HDAC9: variants seen among roughly 807,000 people sequenced by gnomAD.
HDAC9 encodes the protein MEF-2 interacting transcription repressor (MITR) protein.
In HDAC9, 41 loss-of-function variants were observed where a neutral mutation model predicts 139.4. The observed-to-expected ratio is 0.29, with a 90% CI of 0.23 to 0.38. The LOEUF (loss-of-function observed/expected upper bound fraction) is 0.38. Ranked by LOEUF, HDAC9 falls within the 10% of genes least tolerant of loss-of-function variation. The pLI, the probability that HDAC9 is intolerant of heterozygous loss-of-function variation, is 1.00. For synonymous variants in HDAC9, 517 were observed against 476.2 expected (o/e 1.09, Z -1.12); for missense variants, 1,147 against 1,297.0 (o/e 0.88, Z 1.78).
intron 1 of HDAC9, among the ~76,000 whole-genome samples, chr7:18,121,449 G>T (rs1784359881): frequency 6.6e-6 from 1 of 151,524 alleles, no homozygotes; most frequent in Non-Finnish European, 1.5e-5. Flanking sequence ...AATTTACTGG[G>T]TGTTCATTCT....
intron 21 of HDAC9, among the ~76,000 whole-genome samples, chr7:18,855,392 C>T (rs567539506): frequency 6.6e-6 from 1 of 152,036 alleles, no homozygotes; most frequent in African/African-American, 2.4e-5. Flanking sequence ...AAAATAGTTG[C>T]AATTGTTATT....
chr7:18,560,309 A>T (rs1480739554), intron 2 of HDAC9, among the ~76,000 whole-genome samples: 2 of 152,188 alleles, frequency 1.3e-5, no homozygotes, highest in Non-Finnish European at 2.9e-5. Flanking sequence ...GTGAGAATTA[A>T]CTGAGAAAAA....
intron 12 of HDAC9, among the ~76,000 whole-genome samples, chr7:18,690,445 A>C (rs1387041638): frequency 1.3e-5 from 2 of 152,014 alleles, no homozygotes; most frequent in African/African-American, 2.4e-5. Flanking sequence ...GTCTGTGAGC[A>C]TAACTTTTTT....
intron 1 of HDAC9, among the ~76,000 whole-genome samples, chr7:18,442,019 C>T (rs1292122342): frequency 6.6e-6 from 1 of 152,124 alleles, no homozygotes; most frequent in African/African-American, 2.4e-5. Flanking sequence ...ATCTGCCCGC[C>T]TCAGCCTCCC....
At chr7:18,611,721 G>A (rs1227173064) in intron 6 of HDAC9, among the ~76,000 whole-genome samples, 1 of 152,048 alleles carries the variant, frequency 6.6e-6, no homozygotes, top group African/African-American at 2.4e-5. Context: ...CATCTATCCT[G>A]ATAAAAGTAG....
At chr7:18,533,361 C>A (rs938993043) in intron 2 of HDAC9, among the ~76,000 whole-genome samples, 1 of 152,056 alleles carries the variant, frequency 6.6e-6, no homozygotes, top group Admixed American at 6.5e-5. Flanking sequence ...TTCTTGGATT[C>A]TTGTAGCTTC....
chr7:18,991,507 G>C (rs536005135), intron 25 of HDAC9, among the ~76,000 whole-genome samples: 1 of 152,200 alleles, frequency 6.6e-6, no homozygotes, highest in Admixed American at 6.5e-5. Flanking sequence ...TGTGGTGGCA[G>C]GCACCTGTAG....
chr7:18,328,774 T>C (rs1226384825), intron 1 of HDAC9, among the ~76,000 whole-genome samples: 1 of 151,902 alleles, frequency 6.6e-6, no homozygotes, highest in Non-Finnish European at 1.5e-5. Context: ...TTATTATTCT[T>C]GTAGTGTCCT....
intron 2 of HDAC9, among the ~76,000 whole-genome samples, chr7:18,525,444 A>G (rs1238629370): frequency 6.6e-6 from 1 of 152,152 alleles, no homozygotes; most frequent in African/African-American, 2.4e-5. Flanking sequence ...CTGTGTGAGT[A>G]TTCTTAAAAT....
intron 12 of HDAC9, among the ~76,000 whole-genome samples, chr7:18,722,422 T>G (rs149949134): frequency 1.4e-3 from 208 of 152,306 alleles, no homozygotes; most frequent in African/African-American, 4.9e-3. Flanking sequence ...GATTCTGAAC[T>G]GTTTGACATT....
intron 1 of HDAC9, among the ~76,000 whole-genome samples, chr7:18,162,060 C>G (rs1787662951): frequency 6.6e-6 from 1 of 152,106 alleles, no homozygotes. Context: ...GCTAAATTTG[C>G]TCTTTTTTAG....
At chr7:18,938,372 G>T (rs1185273837) in intron 23 of HDAC9, among the ~76,000 whole-genome samples, 2 of 152,082 alleles carry the variant, frequency 1.3e-5, no homozygotes. Flanking sequence ...GAGGCGGGTG[G>T]ATCACGAGGT....
At chr7:18,575,889 C>T (rs2128756661) in intron 2 of HDAC9, among the ~76,000 whole-genome samples, 1 of 152,220 alleles carries the variant, frequency 6.6e-6, no homozygotes, top group African/African-American at 2.4e-5. Context: ...ACTATGTTTT[C>T]ATGTTGTACT....
At chr7:18,885,159 G>A (rs1451576686) in intron 22 of HDAC9, among the ~76,000 whole-genome samples, 1 of 152,226 alleles carries the variant, frequency 6.6e-6, no homozygotes, top group African/African-American at 2.4e-5. Context: ...GTGGTCGTAA[G>A]GGTGAAAGCA....
chr7:18,345,661 G>A (rs1186544202), intron 1 of HDAC9, among the ~76,000 whole-genome samples: 1 of 151,610 alleles, frequency 6.6e-6, no homozygotes, highest in Non-Finnish European at 1.5e-5. Flanking sequence ...AGAAAGAGGT[G>A]CATTTGTTTC....
intron 25 of HDAC9, among the ~76,000 whole-genome samples, chr7:18,980,697 C>CCTTCTTCCT (rs1563103107): frequency 3.5e-5 from 5 of 143,748 alleles, no homozygotes; most frequent in Non-Finnish European, 7.5e-5. Context: ...TGTTCTTCTT[C>CCTTCTTCCT]CTTCTTCTTC....
rs535516737 is a variant in HDAC9 at position 18,243,230 on chromosome 7, G to A, written c.25+80881G>A. ...ATACAGGAAAAAATGTTCGATGGAT[G>A]TAAAGAAATAATTGTGAACGTTTAT... On this transcript the variant is annotated intron_variant, in intron 2 of 12. Coordinates refer to the HDAC9 transcript ENST00000417496. Among the ~76,000 whole-genome samples the A allele has an allele frequency of 4.3e-4, 66 of 152,330 alleles. No homozygotes were observed. The South Asian group carries it at 0.012, about 28-fold the overall frequency.
intron 2 of HDAC9, among the ~76,000 whole-genome samples, chr7:18,577,732 C>T (rs1563347743): frequency 6.6e-6 from 1 of 152,024 alleles, no homozygotes; most frequent in Admixed American, 6.6e-5. Context: ...GGGCAAGAAA[C>T]ATAGTGTAAA....
At chr7:18,455,577 C>T (rs890123173) in intron 1 of HDAC9, among the ~76,000 whole-genome samples, 1 of 152,014 alleles carries the variant, frequency 6.6e-6, no homozygotes, top group Non-Finnish European at 1.5e-5. Context: ...CATAAATGAA[C>T]GATTTTTATT....
Sources: gnomAD v4.1 joint callset for allele counts (sites outside exome capture counted in the v4.1 genomes callset) on GRCh38, gnomAD v4.1.1 for gene constraint, MANE v1.5 for transcripts, NCBI Gene and HGNC (gene_info 2026-07-23, HGNC 2026-07-21) for gene names.